Variants in ADAM12 observed in about 807,000 individuals in gnomAD.
ADAM12 encodes disintegrin and metalloproteinase domain-containing protein 12.
In ADAM12, 70 loss-of-function variants were observed where a neutral mutation model predicts 106.4. The ratio of observed to expected loss-of-function variants is 0.66; its 90% confidence interval spans 0.54 to 0.80. ADAM12 has a LOEUF of 0.80. Among genes scored for constraint, ADAM12 ranks in the 30% least tolerant of loss-of-function variants. The pLI, the probability that ADAM12 is intolerant of heterozygous loss-of-function variation, is 0.00. For synonymous variants in ADAM12, 420 were observed against 433.5 expected, an observed-to-expected ratio of 0.97 and a Z score of 0.39; for missense variants, 1,010 against 1,171.9, an observed-to-expected ratio of 0.86 and a Z score of 2.02.
intron 3 of ADAM12, among the ~76,000 whole-genome samples, chr10:126,215,623 G>T (rs1426659809): frequency 6.6e-6 from 1 of 152,200 alleles, no homozygotes; most frequent in East Asian, 1.9e-4. Context: ...AACTGGAAAG[G>T]TGCAGGAGAA....
intron 4 of ADAM12, among the ~76,000 whole-genome samples, chr10:126,152,549 C>T (rs765539249): frequency 6.6e-6 from 1 of 151,580 alleles, no homozygotes; most frequent in African/African-American, 2.4e-5. Context: ...GATGTTACCA[C>T]TACAGCAGCT....
chr10:126,294,222 C>T (rs115653631), intron 2 of ADAM12, among the ~76,000 whole-genome samples: 2,496 of 152,296 alleles, frequency 0.016, 71 homozygotes, highest in African/African-American at 0.057. Flanking sequence ...TCAAAGTCAT[C>T]ATTACATGGA....
intron 3 of ADAM12, among the ~76,000 whole-genome samples, chr10:126,269,586 C>G (rs1358611509): frequency 6.6e-6 from 1 of 152,240 alleles, no homozygotes; most frequent in South Asian, 2.1e-4. Flanking sequence ...GCAATGACAG[C>G]CACTAAGATG....
At chr10:126,035,391 T>C (rs1954041200) in intron 21 of ADAM12, among the ~76,000 whole-genome samples, 2 of 152,172 alleles carry the variant, frequency 1.3e-5, no homozygotes, top group African/African-American at 4.8e-5. Flanking sequence ...TAAACATTTA[T>C]ATTCAAGTAT....
chr10:126,049,810 G>C lies in ADAM12; in HGVS notation c.1610-141C>G, dbSNP rs554815956. 5 of 753,238 alleles carry C rather than the reference G, an allele frequency of 6.6e-6. No homozygotes were observed. The Admixed American group carries it at 8.1e-5, about 12-fold the overall frequency. The allele number at this position is 753,238 out of a possible 1,614,324, so 46.7% of individuals were successfully genotyped here. ...TCTGTCCCGACTCATGGTGGGAGCT[G>C]GCCAGGGGAAGCCTAGGGTGTCAGC... On this transcript the variant is annotated intron_variant, in intron 14 of 22. Coordinates refer to ENST00000448723, the MANE Select transcript of ADAM12 (RefSeq NM_001288973.2). This position sits in a 1 kb window ranked among gnomAD's most constrained non-coding sequence, Gnocchi z 4.4.
At chr10:126,267,889 G>T (rs1959131576) in intron 3 of ADAM12, among the ~76,000 whole-genome samples, 1 of 152,188 alleles carries the variant, frequency 6.6e-6, no homozygotes, top group African/African-American at 2.4e-5. Flanking sequence ...TCATGGAGGA[G>T]GACAGGGAGG....
chr10:126,311,760 C>T (rs1961109140), intron 2 of ADAM12, among the ~76,000 whole-genome samples: 1 of 152,190 alleles, frequency 6.6e-6, no homozygotes, highest in African/African-American at 2.4e-5. Context: ...TCCACGGGGA[C>T]AGCAGCTCCC....
chr10:126,177,658 T>TG (rs1843314176), intron 3 of ADAM12, among the ~76,000 whole-genome samples: 1 of 152,182 alleles, frequency 6.6e-6, no homozygotes, highest in South Asian at 2.1e-4. Flanking sequence ...GGTTTAAGAA[T>TG]GTGGGAAGAA....
chr10:126,064,037 C>G lies in ADAM12; in HGVS notation c.1609+769G>C, dbSNP rs1241535936. 2.0e-5 allele frequency among the ~76,000 whole-genome samples: 3 copies of G among 152,178 alleles called. No individual in the cohort carries two copies. The highest frequency in any genetic ancestry group is 7.2e-5 in the African/African-American group (3 of 41,446). On this transcript the variant is annotated intron_variant, in intron 14 of 22. Transcript: ENST00000448723. This position sits in a 1 kb window ranked among gnomAD's most constrained non-coding sequence, Gnocchi z 4.4. The stretch of plus-strand genomic sequence containing the variant: ...CAGGTTCAAATCCTAGCCCGGAGAC[C>G]TGGGGAAACTGACATTTGGTCTCAG...
intron 3 of ADAM12, among the ~76,000 whole-genome samples, chr10:126,270,039 T>C (rs1380740109): frequency 2.0e-5 from 3 of 152,206 alleles, no homozygotes; most frequent in Admixed American, 1.3e-4. Flanking sequence ...GGAAACAAAA[T>C]TTAGCTCAAT....
intron 2 of ADAM12, among the ~76,000 whole-genome samples, chr10:126,292,221 T>TC (rs1371743821): frequency 1.3e-5 from 2 of 152,106 alleles, no homozygotes; most frequent in Non-Finnish European, 2.9e-5. Context: ...TTCTCCCGAC[T>TC]CCCCCGAGTG....
chr10:126,088,740 A>G (rs1447028939), intron 11 of ADAM12, among the ~76,000 whole-genome samples: 3 of 151,260 alleles, frequency 2.0e-5, no homozygotes, highest in African/African-American at 7.3e-5. Context: ...GAGAGAGAGA[A>G]GGCTGACCTG....
intron 3 of ADAM12, among the ~76,000 whole-genome samples, chr10:126,162,487 G>A (rs908635069): frequency 2.6e-5 from 4 of 152,194 alleles, no homozygotes; most frequent in Non-Finnish European, 4.4e-5. Flanking sequence ...GCTGGGGACA[G>A]AACCTACATG....
intron 21 of ADAM12, among the ~76,000 whole-genome samples, chr10:126,035,586 C>T (rs1954044696): frequency 6.6e-6 from 1 of 152,102 alleles, no homozygotes; most frequent in Non-Finnish European, 1.5e-5. Flanking sequence ...TTGTTTTCTC[C>T]TCCCTTCAAG....
intron 3 of ADAM12, among the ~76,000 whole-genome samples, chr10:126,264,164 T>C (rs2133716810): frequency 6.6e-6 from 1 of 152,342 alleles, no homozygotes; most frequent in Non-Finnish European, 1.5e-5. Flanking sequence ...GAAAACCACA[T>C]GTAAAAACCA....
chr10:126,081,417 G>A (rs1020722760), intron 11 of ADAM12, among the ~76,000 whole-genome samples: 5 of 152,126 alleles, frequency 3.3e-5, no homozygotes, highest in East Asian at 1.9e-4. Context: ...ACCTCATATC[G>A]TCCACAGCTG....
chr10:126,019,581 G>T, intron 22 of ADAM12, 114 bp downstream of exon 22: 1 of 1,350,728 alleles, frequency 7.4e-7, no homozygotes. Context: ...CAGTTGTAGG[G>T]GGAGCAGGAA....
intron 3 of ADAM12, among the ~76,000 whole-genome samples, chr10:126,231,435 A>T (rs1007747363): frequency 6.6e-6 from 1 of 151,486 alleles, no homozygotes; most frequent in Non-Finnish European, 1.5e-5. Flanking sequence ...ATACCATACG[A>T]ATGTCTTAAT....
intron 3 of ADAM12, among the ~76,000 whole-genome samples, chr10:126,233,396 G>A (rs1276971193): frequency 6.6e-6 from 1 of 152,200 alleles, no homozygotes; most frequent in African/African-American, 2.4e-5. Context: ...CCTCAGACAA[G>A]GTCCTGCTGG....
Sources: gnomAD v4.1 joint callset for allele counts (sites outside exome capture counted in the v4.1 genomes callset) on GRCh38, gnomAD v4.1.1 for gene constraint, Gnocchi (gnomAD v3.1) non-coding constraint, MANE v1.5 for transcripts, NCBI Gene and HGNC (gene_info 2026-07-23, HGNC 2026-07-21) for gene names.